RAPGEF6: variants seen among roughly 807,000 people sequenced by gnomAD.
The protein encoded by RAPGEF6 is PDZ domain containing guanine nucleotide exchange factor (GEF) 2.
RAPGEF6 carries 56 observed loss-of-function variants against 171.4 expected under a neutral mutation model. That is an observed-to-expected ratio of 0.33 (90% CI 0.26 to 0.41). The LOEUF is 0.41. Among genes scored for constraint, RAPGEF6 ranks in the 10% least tolerant of loss-of-function variants. The probability of loss-of-function intolerance (pLI) is 1.00; values close to 1 mark genes in which losing one functional copy is unlikely to be tolerated. For missense variants in RAPGEF6, 1,674 were observed against 1,921.4 expected (o/e 0.87, Z 2.41); for synonymous variants, 692 against 650.1 (o/e 1.06, Z -0.98).
intron 17 of RAPGEF6, among the ~76,000 whole-genome samples, chr5:131,465,945 GAAAAC>G (rs571685413): frequency 3.1e-4 from 47 of 151,968 alleles, no homozygotes; most frequent in Non-Finnish European, 6.0e-4. Context: ...GCCTTTAGAG[GAAAAC>G]AAAACAAAAC....
At chr5:131,515,268 T>C (rs940465642) in intron 7 of RAPGEF6, among the ~76,000 whole-genome samples, 3 of 152,204 alleles carry the variant, frequency 2.0e-5, no homozygotes, top group Admixed American at 6.5e-5. Flanking sequence ...TCATGGACCA[T>C]TTAGTTCTTA....
rs146711437 is a variant in RAPGEF6, at chr5:131,427,700, T to C, written c.4781-409A>G. Among the ~76,000 whole-genome samples, 630 of 152,302 alleles carry C rather than the reference T, an allele frequency of 4.1e-3. 3 individuals are homozygous for C. The highest frequency in any genetic ancestry group is 0.013 in the African/African-American group (546 of 41,554). On this transcript the variant is annotated intron_variant, in intron 27 of 27. Coordinates refer to ENST00000509018, the MANE Select transcript of RAPGEF6 (RefSeq NM_016340.6). The stretch of plus-strand genomic sequence containing the variant: ...AAGGTAAAATACAATTCCATTAATG[T>C]TAAAAGTATCCCATTAGATTGAGCC...
At chr5:131,507,322 C>A (rs1041368170) in intron 9 of RAPGEF6, among the ~76,000 whole-genome samples, 5 of 151,726 alleles carry the variant, frequency 3.3e-5, no homozygotes, top group African/African-American at 1.2e-4. Context: ...GTTAGACACT[C>A]AGAAGTGGAA....
chr5:131,454,237 T>C (rs1348450651), intron 20 of RAPGEF6, among the ~76,000 whole-genome samples: 3 of 152,216 alleles, frequency 2.0e-5, no homozygotes, highest in East Asian at 1.9e-4. Context: ...AAAAGTCTTT[T>C]GTTAAATTAC....
intron 13 of RAPGEF6, among the ~76,000 whole-genome samples, chr5:131,493,589 AAT>A (rs556002240): frequency 1.2e-3 from 182 of 152,298 alleles, no homozygotes; most frequent in African/African-American, 4.3e-3. Context: ...TAAACTCAGT[AAT>A]AGTCTACCAG....
At chr5:131,448,320 T>C (rs946694900) in intron 21 of RAPGEF6, among the ~76,000 whole-genome samples, 10 of 152,230 alleles carry the variant, frequency 6.6e-5, no homozygotes, top group African/African-American at 2.4e-4. Flanking sequence ...TTTTCCTTTT[T>C]ATGTGAATAA....
rs2149803656 is a variant in RAPGEF6 at position 131,429,080 on chromosome 5, C to G, written c.4602G>C (p.Val1534=). The G allele has an allele frequency of 6.2e-7, 1 of 1,614,142 alleles. No individual in the cohort carries two copies. The highest frequency in any genetic ancestry group is 2.2e-5 in the East Asian group (1 of 44,878). ...GCATCATCTTTGACCTCTGCACTGC[C>G]ACACTATAATCTGGAGGTTTTAGGT... is the stretch of plus-strand genomic sequence containing the variant. The part of the protein sequence containing the change: ...HTHLKPPDYS[V]AVQRSKMMHN... Residue 1534 remains valine, a synonymous_variant, in exon 27 of 28, where the codon GTG becomes GTC. Coordinates refer to ENST00000509018, the MANE Select transcript of RAPGEF6 (RefSeq NM_016340.6).
At chr5:131,590,886 G>A (rs568554743) in intron 4 of RAPGEF6, among the ~76,000 whole-genome samples, 25 of 152,198 alleles carry the variant, frequency 1.6e-4, no homozygotes, top group African/African-American at 6.0e-4. Context: ...TATAACCATA[G>A]GCAATATCAA....
At chr5:131,598,417 A>C (rs1471323665) in intron 3 of RAPGEF6, among the ~76,000 whole-genome samples, 1 of 152,160 alleles carries the variant, frequency 6.6e-6, no homozygotes, top group Non-Finnish European at 1.5e-5. Flanking sequence ...AATTTTCCAA[A>C]ATCGATGAAA....
At chr5:131,433,730 T>A in intron 24 of RAPGEF6, 72 bp from the exon 25 acceptor site, 1 of 1,120,786 alleles carries the variant, frequency 8.9e-7, no homozygotes, top group Non-Finnish European at 1.3e-6. Context: ...GGGGAAAGGA[T>A]GAAAAAAAAA....
chr5:131,559,198 G>T (rs570112454), intron 5 of RAPGEF6, among the ~76,000 whole-genome samples: 1 of 151,982 alleles, frequency 6.6e-6, no homozygotes, highest in Admixed American at 6.6e-5. Context: ...ACGTGGTGGC[G>T]CACACCTGTA....
intron 17 of RAPGEF6, among the ~76,000 whole-genome samples, chr5:131,467,900 G>A (rs1754470690): frequency 2.0e-5 from 3 of 152,024 alleles, no homozygotes; most frequent in African/African-American, 7.3e-5. Flanking sequence ...GCGTGGTGGT[G>A]TGTGCCTATA....
chr5:131,548,974 G>A (rs1760731755), intron 5 of RAPGEF6, among the ~76,000 whole-genome samples: 1 of 152,218 alleles, frequency 6.6e-6, no homozygotes, highest in Admixed American at 6.5e-5. Flanking sequence ...TGAGGTGGGA[G>A]GATCAACTGA....
chr5:131,515,769 T>C (rs1265930392), intron 7 of RAPGEF6, among the ~76,000 whole-genome samples: 1 of 152,006 alleles, frequency 6.6e-6, no homozygotes, highest in Non-Finnish European at 1.5e-5. Flanking sequence ...AACACAAGAC[T>C]AGGAAAAGGC....
At chr5:131,458,217 G>A (rs1449289108) in intron 19 of RAPGEF6, among the ~76,000 whole-genome samples, 1 of 152,202 alleles carries the variant, frequency 6.6e-6, no homozygotes, top group Non-Finnish European at 1.5e-5. Flanking sequence ...GGGGAAGGAC[G>A]CAGTGGGAGG....
intron 6 of RAPGEF6, among the ~76,000 whole-genome samples, chr5:131,541,176 G>A (rs922021604): frequency 2.0e-5 from 3 of 152,202 alleles, no homozygotes; most frequent in Admixed American, 6.5e-5. Flanking sequence ...TGGGACCAAT[G>A]AAGAGAAGTG....
chr5:131,571,936 A>C (rs1762320888), intron 4 of RAPGEF6, among the ~76,000 whole-genome samples: 1 of 152,012 alleles, frequency 6.6e-6, no homozygotes, highest in Non-Finnish European at 1.5e-5. Flanking sequence ...GTTACTTTGT[A>C]ACATCCTCCC....
intron 6 of RAPGEF6, among the ~76,000 whole-genome samples, chr5:131,544,398 A>G (rs1760366476): frequency 6.6e-6 from 1 of 152,190 alleles, no homozygotes; most frequent in Non-Finnish European, 1.5e-5. Flanking sequence ...TGCACACGAC[A>G]GGGAAAGGTC....
intron 1 of RAPGEF6, among the ~76,000 whole-genome samples, chr5:131,623,575 T>C (rs1765723850): frequency 7.0e-6 from 1 of 143,010 alleles, no homozygotes; most frequent in African/African-American, 2.6e-5. Context: ...AACCTCCGCC[T>C]CTAGGGTTCA....
Sources: gnomAD v4.1 joint callset for allele counts (sites outside exome capture counted in the v4.1 genomes callset) on GRCh38, gnomAD v4.1.1 for gene constraint, MANE v1.5 for transcripts, NCBI Gene and HGNC (gene_info 2026-07-23, HGNC 2026-07-21) for gene names.